ZNF469: variants seen among roughly 807,000 people sequenced by gnomAD.
The protein encoded by ZNF469 is zinc finger protein 469.
In ZNF469, 1 loss-of-function variant was observed where a neutral mutation model predicts 1.0. The ratio of observed to expected loss-of-function variants is 1.00; its 90% confidence interval spans 0.35 to 4.73. The LOEUF (loss-of-function observed/expected upper bound fraction) is 4.73, where lower values mean the gene tolerates loss of function less well. Ranked by LOEUF, ZNF469 falls within the 30% of genes most tolerant of loss-of-function variation. The pLI is 0.16. For missense variants in ZNF469, 6,100 were observed against 5,356.3 expected (o/e 1.14, Z -4.33); for synonymous variants, 2,703 against 2,363.4 (o/e 1.14, Z -4.17).
At chr16:88,404,798 C>G (rs533812524) in intron 1 of ZNF469, among the ~76,000 whole-genome samples, 2 of 152,120 alleles carry the variant, frequency 1.3e-5, no homozygotes, top group African/African-American at 4.8e-5. Flanking sequence ...AGTGCAGACG[C>G]ACAGCAGACC....
the ZNF469 span, among the ~76,000 whole-genome samples, chr16:88,121,295 A>C: frequency 6.6e-6 from 1 of 151,706 alleles, no homozygotes; most frequent in Admixed American, 6.6e-5. Context: ...TCCTTGTCCA[A>C]ACCCTCCGAG....
intron 1 of ZNF469, among the ~76,000 whole-genome samples, chr16:88,415,410 TG>T (rs1487754564): frequency 6.6e-6 from 1 of 152,092 alleles, no homozygotes; most frequent in Non-Finnish European, 1.5e-5. Context: ...CACCCCTGGC[TG>T]AAGGAGGGAA....
chr16:88,120,540 C>T, the ZNF469 span, among the ~76,000 whole-genome samples: 1 of 152,228 alleles, frequency 6.6e-6, no homozygotes, highest in Admixed American at 6.5e-5. Flanking sequence ...TGCAGGCGGC[C>T]GGATGCTGGA....
At chr16:88,420,684 C>A (rs1000350687) in intron 1 of ZNF469, among the ~76,000 whole-genome samples, 3 of 152,340 alleles carry the variant, frequency 2.0e-5, no homozygotes, top group Middle Eastern at 3.4e-3. Context: ...TGCTTCTGAG[C>A]AAACGTCTGC....
At chr16:88,199,437 G>A in the ZNF469 span, among the ~76,000 whole-genome samples, 2 of 152,238 alleles carry the variant, frequency 1.3e-5, no homozygotes, top group Non-Finnish European at 2.9e-5. Flanking sequence ...GTCTTCAGGG[G>A]TGGGAGCAGC....
At chr16:88,423,399 T>C (rs532686573) in intron 1 of ZNF469, among the ~76,000 whole-genome samples, 6 of 152,232 alleles carry the variant, frequency 3.9e-5, no homozygotes, top group Non-Finnish European at 8.8e-5. Context: ...TCCCTGGGCC[T>C]CAGTCTATAC....
chr16:88,436,036 G>A lies in ZNF469; in HGVS notation c.8566G>A (p.Glu2856Lys). Reference protein sequence around the residue: ...AKDPPSLFDDEVSFSQLFPPG... With the variant: ...AKDPPSLFDDKVSFSQLFPPG... ...GGATCCTCCAAGCTTGTTTGATGAT[G>A]AGGTCTCTTTCTCCCAGCTCTTCCC... Residue 2856 changes from glutamate (E) to lysine (K), a missense_variant, in exon 3 of 3, where the codon GAG becomes AAG. Transcript: ENST00000565624. 1.3e-6 allele frequency: 2 copies of A among 1,550,270 alleles called. No individual in the cohort carries two copies. The highest frequency in any genetic ancestry group is 1.7e-6 in the Non-Finnish European group (2 of 1,146,964).
chr16:88,140,604 C>T, the ZNF469 span, among the ~76,000 whole-genome samples: 1 of 152,146 alleles, frequency 6.6e-6, no homozygotes, highest in African/African-American at 2.4e-5. Flanking sequence ...TGTGTTAATC[C>T]AGGAGGAATT....
the ZNF469 span, among the ~76,000 whole-genome samples, chr16:88,247,059 T>TGAGTGACTGAGTGAG: frequency 4.3e-5 from 1 of 23,346 alleles, no homozygotes; most frequent in Admixed American, 5.0e-4. Context: ...GAGTGAGTGA[T>TGAGTGACTGAGTGAG]TGAGTGAGTG....
At position 88,404,539 on chromosome 16, in the gene ZNF469, T is replaced by TG. The variant is rs201870975; in HGVS notation, c.-191-20264dup. The stretch of plus-strand genomic sequence containing the variant: ...GGCAGCTGTCATGGCTGAGCCACAG[T>TG]GGGGATGTCGTCTGTGCCTGGGTGG... On this transcript the variant is annotated intron_variant, in intron 1 of 2. Coordinates refer to ENST00000565624, the MANE Select transcript of ZNF469 (RefSeq NM_001367624.2). 2.7e-3 allele frequency among the ~76,000 whole-genome samples: 411 copies of TG among 151,992 alleles called. 2 individuals carry two copies. Among genetic ancestry groups the TG allele is most frequent in the African/African-American group, 9.7e-3 (403 of 41,448 alleles).
chr16:88,286,330 G>A, the ZNF469 span, among the ~76,000 whole-genome samples: 12 of 152,344 alleles, frequency 7.9e-5, no homozygotes, highest in Admixed American at 2.0e-4. Context: ...GGAGAGCCAC[G>A]GCCTGGCTGC....
At chr16:88,394,063 C>T (rs966777138) in intron 1 of ZNF469, among the ~76,000 whole-genome samples, 1 of 151,962 alleles carries the variant, frequency 6.6e-6, no homozygotes, top group Non-Finnish European at 1.5e-5. Flanking sequence ...ACGTCTACAC[C>T]TGCGCTGCCT....
chr16:88,256,920 T>TTCTA, the ZNF469 span, among the ~76,000 whole-genome samples: 4 of 19,090 alleles, frequency 2.1e-4, no homozygotes, highest in Admixed American at 2.6e-3. Context: ...CTTTCTTTCT[T>TTCTA]TCTTTCTTTC....
At chr16:88,244,457 G>A in the ZNF469 span, among the ~76,000 whole-genome samples, 290 of 148,556 alleles carry the variant, frequency 2.0e-3, no homozygotes, top group African/African-American at 7.0e-3. Context: ...GGATGGATGG[G>A]TGGAAGGATG....
At chr16:88,324,774 G>C in the ZNF469 span, among the ~76,000 whole-genome samples, 1 of 152,234 alleles carries the variant, frequency 6.6e-6, no homozygotes, top group Admixed American at 6.5e-5. Flanking sequence ...AAACTGTCAT[G>C]GTGCCGGTGG....
chr16:88,105,770 C>T, the ZNF469 span, among the ~76,000 whole-genome samples: 1 of 152,178 alleles, frequency 6.6e-6, no homozygotes, highest in African/African-American at 2.4e-5. Flanking sequence ...TTGATGATGT[C>T]TGCCATGACT....
chr16:88,140,442 G>A, the ZNF469 span, among the ~76,000 whole-genome samples: 5 of 149,270 alleles, frequency 3.3e-5, no homozygotes, highest in East Asian at 1.9e-4. Flanking sequence ...AAAGGAGGAC[G>A]GAGCCACGTA....
At chr16:88,151,671 A>G in the ZNF469 span, among the ~76,000 whole-genome samples, 1 of 152,110 alleles carries the variant, frequency 6.6e-6, no homozygotes, top group Non-Finnish European at 1.5e-5. This position sits in a 1 kb window ranked among gnomAD's most constrained non-coding sequence, Gnocchi z 5.4. Flanking sequence ...AAACCAAACA[A>G]TACTTGTGTG....
the ZNF469 span, among the ~76,000 whole-genome samples, chr16:88,311,651 C>G: frequency 6.6e-6 from 1 of 152,138 alleles, no homozygotes; most frequent in African/African-American, 2.4e-5. Context: ...CTGGTGGTTT[C>G]AGGGCTGTCC....
Sources: gnomAD v4.1 joint callset for allele counts (sites outside exome capture counted in the v4.1 genomes callset) on GRCh38, gnomAD v4.1.1 for gene constraint, Gnocchi (gnomAD v3.1) non-coding constraint, MANE v1.5 for transcripts, NCBI Gene and HGNC (gene_info 2026-07-23, HGNC 2026-07-21) for gene names.